Variants in NUCB2 observed in about 807,000 individuals in gnomAD.
NUCB2 encodes nucleobindin-2.
A neutral mutation model predicts 57.9 loss-of-function variants in NUCB2; 48 were observed. The ratio of observed to expected loss-of-function variants is 0.83; its 90% confidence interval spans 0.66 to 1.05. NUCB2 has a LOEUF of 1.05. Ranked by LOEUF, NUCB2 falls within the 50% of genes least tolerant of loss-of-function variation. The probability of loss-of-function intolerance (pLI) is 0.00; values close to 1 mark genes in which losing one functional copy is unlikely to be tolerated. For synonymous variants in NUCB2, 139 were observed against 152.1 expected, an observed-to-expected ratio of 0.91 and a Z score of 0.64; for missense variants, 442 against 476.2, an observed-to-expected ratio of 0.93 and a Z score of 0.67.
rs183856817 is a variant in NUCB2, at chr11:17,338,916, G to A, written n.2626+1382G>A. On this transcript the variant is annotated intron_variant and non_coding_transcript_variant, in intron 2 of 2. Coordinates refer to the NUCB2 transcript ENST00000532240. ...TGACCTCAGGTGATCCACCTGCGTC[G>A]GCCTCCCAAAGTGTTGGGATTACAG... Among the ~76,000 whole-genome samples the A allele has an allele frequency of 7.9e-5, 12 of 151,958 alleles. No individual in the cohort carries two copies. In the East Asian group the frequency reaches 1.9e-3, roughly 25 times the overall value.
At chr11:17,320,195 A>T (rs968941286) in intron 11 of NUCB2, among the ~76,000 whole-genome samples, 2 of 152,182 alleles carry the variant, frequency 1.3e-5, no homozygotes, top group Admixed American at 6.6e-5. Flanking sequence ...GCTGCAATGA[A>T]CATATGTGCC....
intron 2 of NUCB2, among the ~76,000 whole-genome samples, chr11:17,290,765 G>A (rs1396418708): frequency 6.6e-6 from 1 of 152,042 alleles, no homozygotes; most frequent in Non-Finnish European, 1.5e-5. Context: ...AAATCATTGA[G>A]AACATAGAAA....
chr11:17,317,334 A>T (rs1949388710), intron 11 of NUCB2, among the ~76,000 whole-genome samples: 1 of 152,158 alleles, frequency 6.6e-6, no homozygotes, highest in African/African-American at 2.4e-5. Context: ...GTGTACATAT[A>T]TATAAAGTTT....
chr11:17,342,458 A>G (rs1952354298), intron 2 of NUCB2, among the ~76,000 whole-genome samples: 1 of 151,856 alleles, frequency 6.6e-6, no homozygotes, highest in Non-Finnish European at 1.5e-5. Flanking sequence ...TTAGTGCTAT[A>G]AATTTCCCTC....
intron 11 of NUCB2, among the ~76,000 whole-genome samples, chr11:17,322,975 T>G (rs573194246): frequency 1.1e-4 from 16 of 152,200 alleles, no homozygotes; most frequent in South Asian, 6.2e-4. Context: ...AGTTTTTTTT[T>G]TGTGTGGAGT....
rs1951425105 is a variant in NUCB2 at position 17,331,687 on chromosome 11, A to G, written c.*268A>G. The G allele has an allele frequency of 3.1e-6, 1 of 327,804 alleles. No homozygotes were observed. Among genetic ancestry groups the G allele is most frequent in the South Asian group, 1.6e-4 (1 of 6,420 alleles). 20.3% of individuals were successfully genotyped at this position (327,804 alleles called of 1,614,324 possible). A position where few individuals can be genotyped will look rare whatever the true frequency, so the allele number is the denominator to read the frequency against. On this transcript the variant is annotated 3_prime_UTR_variant, in exon 14 of 14. Coordinates refer to ENST00000529010, the MANE Select transcript of NUCB2 (RefSeq NM_005013.4). ...TTATTTATTTTTTTGTTCTCCTTTAATGATTTAATTAAGTGGCTTTATGCC... is the reference window on the plus strand; with the variant it reads ...TTATTTATTTTTTTGTTCTCCTTTAGTGATTTAATTAAGTGGCTTTATGCC...
At chr11:17,284,104 G>T (rs548400654) in intron 2 of NUCB2, among the ~76,000 whole-genome samples, 1 of 152,010 alleles carries the variant, frequency 6.6e-6, no homozygotes, top group East Asian at 1.9e-4. Flanking sequence ...TGCAACCTCT[G>T]CCTCCTATGT....
intron 11 of NUCB2, among the ~76,000 whole-genome samples, chr11:17,320,149 T>A (rs1949829787): frequency 1.3e-5 from 2 of 152,188 alleles, no homozygotes; most frequent in Admixed American, 1.3e-4. Flanking sequence ...CTTTGGGCAT[T>A]TAGGTTGATT....
chr11:17,311,070 A>G (rs1948421422), intron 7 of NUCB2, 60 bp downstream of exon 7: 1 of 1,457,402 alleles, frequency 6.9e-7, no homozygotes. Context: ...GTATCAGCGG[A>G]TTTTTATTGT....
At position 17,330,410 on chromosome 11, in the gene NUCB2, CTATAG is replaced by C; in HGVS notation, c.1173+117_1173+121del. 1.8e-6 allele frequency: 1 copy of C among 553,196 alleles called. No homozygotes were observed. The allele number at this position is 553,196 out of a possible 1,614,324, so 34.3% of individuals were successfully genotyped here. On this transcript the variant is annotated intron_variant, in intron 12 of 13. Coordinates refer to ENST00000529010, the MANE Select transcript of NUCB2 (RefSeq NM_005013.4). This position sits in a 1 kb window ranked among gnomAD's most constrained non-coding sequence, Gnocchi z 4.3. ...TATATAGTACACTGCTATAGCTATACTATAGTATTTTAAATTTTAATACTTTAAAA... is the reference window on the plus strand; with the variant it reads ...TATATAGTACACTGCTATAGCTATACTATTTTAAATTTTAATACTTTAAAA...
chr11:17,334,885 CAAA>C (rs375093514), downstream of NUCB2, among the ~76,000 whole-genome samples: 17 of 121,856 alleles, frequency 1.4e-4, no homozygotes, highest in Admixed American at 2.5e-4. Flanking sequence ...GGCTCTATCT[CAAA>C]AAAAAAAAAA....
At chr11:17,315,921 C>CACAT (rs747059250) in intron 11 of NUCB2, among the ~76,000 whole-genome samples, 3 of 152,010 alleles carry the variant, frequency 2.0e-5, no homozygotes, top group Non-Finnish European at 2.9e-5. Context: ...TTTAAATTCA[C>CACAT]ACATATACAT....
In NUCB2 at chr11:17,288,963, A is replaced by ATTTT. The variant is rs1555071216; in HGVS notation, c.-1+6029_-1+6032dup. ...CACACACACACACATATATATATAT[A>ATTTT]TTTTTTTTTTTTGAGATGGAGTTTT... On this transcript the variant is annotated intron_variant, in intron 2 of 13. Transcript: ENST00000529010. 7.2e-3 allele frequency among the ~76,000 whole-genome samples: 493 copies of ATTTT among 68,080 alleles called. 77 individuals are homozygous for ATTTT. The highest frequency in any genetic ancestry group is 0.012 in the Middle Eastern group (1 of 84). 44.7% of individuals were successfully genotyped at this position (68,080 alleles called of 152,430 possible).
intron 1 of NUCB2, among the ~76,000 whole-genome samples, chr11:17,280,194 C>T (rs1942271418): frequency 6.6e-6 from 1 of 151,986 alleles, no homozygotes; most frequent in South Asian, 2.1e-4. Flanking sequence ...TTGAGTGATA[C>T]AGATCTGTTT....
At chr11:17,329,897 C>A (rs1230351656) in intron 11 of NUCB2, among the ~76,000 whole-genome samples, 1 of 152,142 alleles carries the variant, frequency 6.6e-6, no homozygotes, top group African/African-American at 2.4e-5. Context: ...TCACTCTTTG[C>A]CTTTAGTTGT....
chr11:17,277,942 T>C (rs1317372583), intron 1 of NUCB2, among the ~76,000 whole-genome samples: 1 of 152,202 alleles, frequency 6.6e-6, no homozygotes, highest in Non-Finnish European at 1.5e-5. Context: ...TCTGGAAATT[T>C]AGAATTAGAA....
intron 11 of NUCB2, among the ~76,000 whole-genome samples, chr11:17,321,883 T>G (rs1184740422): frequency 2.0e-5 from 3 of 152,144 alleles, no homozygotes; most frequent in Non-Finnish European, 4.4e-5. Flanking sequence ...TGTTTGCCAT[T>G]TTATGTCTTC....
chr11:17,293,108 G>A (rs1443314425), intron 2 of NUCB2, among the ~76,000 whole-genome samples: 1 of 152,054 alleles, frequency 6.6e-6, no homozygotes, highest in Non-Finnish European at 1.5e-5. Flanking sequence ...ACAAAAATTA[G>A]CTGGGCGTGG....
intron 1 of NUCB2, among the ~76,000 whole-genome samples, chr11:17,282,055 C>T (rs1942685866): frequency 6.6e-6 from 1 of 151,266 alleles, no homozygotes; most frequent in South Asian, 2.1e-4. Context: ...AAGAAAAATT[C>T]CAGTTAAGGA....
Sources: gnomAD v4.1 joint callset for allele counts (sites outside exome capture counted in the v4.1 genomes callset) on GRCh38, gnomAD v4.1.1 for gene constraint, Gnocchi (gnomAD v3.1) non-coding constraint, MANE v1.5 for transcripts, NCBI Gene and HGNC (gene_info 2026-07-23, HGNC 2026-07-21) for gene names.